Variants in DLG2 observed in about 807,000 individuals in gnomAD.
DLG2 encodes the protein disks large homolog 2.
A neutral mutation model predicts 132.5 loss-of-function variants in DLG2; 45 were observed. The ratio of observed to expected loss-of-function variants is 0.34; its 90% CI spans 0.27 to 0.44. The LOEUF is 0.44. Ranked by LOEUF, DLG2 falls within the 20% of genes least tolerant of loss-of-function variation. The pLI is 1.00. For synonymous variants in DLG2, 424 were observed against 419.6 expected (o/e 1.01, Z -0.13); for missense variants, 1,045 against 1,196.9 (o/e 0.87, Z 1.87).
At chr11:85,339,016 C>T (rs2152855016) in intron 3 of DLG2, among the ~76,000 whole-genome samples, 1 of 152,290 alleles carries the variant, frequency 6.6e-6, no homozygotes, top group African/African-American at 2.4e-5. Context: ...TATCTGGTTT[C>T]TGATATATCC....
chr11:85,000,774 G>A (rs1016740787), intron 6 of DLG2, among the ~76,000 whole-genome samples: 2 of 151,870 alleles, frequency 1.3e-5, no homozygotes, highest in Middle Eastern at 3.2e-3. Flanking sequence ...GGGGAGCAAG[G>A]GCATTGCTTC....
intron 18 of DLG2, among the ~76,000 whole-genome samples, chr11:83,685,698 T>C (rs2079618382): frequency 6.6e-6 from 1 of 152,064 alleles, no homozygotes; most frequent in African/African-American, 2.4e-5. Context: ...CACATGTAGA[T>C]CTCCAGTCTC....
At chr11:83,920,664 G>A (rs890780120) in intron 15 of DLG2, among the ~76,000 whole-genome samples, 3 of 152,076 alleles carry the variant, frequency 2.0e-5, no homozygotes, top group Non-Finnish European at 4.4e-5. Context: ...ATATTTATCA[G>A]GTATTGCTCT....
intron 3 of DLG2, among the ~76,000 whole-genome samples, chr11:85,550,407 G>A (rs947741478): frequency 1.3e-5 from 2 of 152,208 alleles, no homozygotes; most frequent in Admixed American, 6.5e-5. Flanking sequence ...CTGCCAGCGC[G>A]CAAAGGTGCT....
chr11:85,400,910 T>C (rs1596970567), intron 3 of DLG2, among the ~76,000 whole-genome samples: 1 of 149,214 alleles, frequency 6.7e-6, no homozygotes, highest in Non-Finnish European at 1.5e-5. Flanking sequence ...TGTGCACATG[T>C]ACCCTAAAAC....
At chr11:85,414,588 A>G (rs566590869) in intron 3 of DLG2, among the ~76,000 whole-genome samples, 1 of 152,016 alleles carries the variant, frequency 6.6e-6, no homozygotes, top group African/African-American at 2.4e-5. Flanking sequence ...TGGATGTAAT[A>G]TTCTATATAT....
chr11:83,906,792 CA>C (rs1346360476), intron 15 of DLG2, among the ~76,000 whole-genome samples: 1 of 152,028 alleles, frequency 6.6e-6, no homozygotes, highest in African/African-American at 2.4e-5. Context: ...ACCAACCTAA[CA>C]AAAAAAGCCT....
intron 7 of DLG2, among the ~76,000 whole-genome samples, chr11:84,448,980 T>C (rs770458666): frequency 2.6e-5 from 4 of 151,944 alleles, no homozygotes; most frequent in East Asian, 1.9e-4. Context: ...GAAGGCACTA[T>C]ACAGAGACCT....
At chr11:84,590,678 C>T (rs188313023) in intron 6 of DLG2, among the ~76,000 whole-genome samples, 38 of 152,156 alleles carry the variant, frequency 2.5e-4, no homozygotes, top group African/African-American at 9.2e-4. Flanking sequence ...GAAGGTGTTC[C>T]TTACCTTCAT....
chr11:83,987,359 G>A (rs1423250735), intron 11 of DLG2, among the ~76,000 whole-genome samples: 2 of 152,004 alleles, frequency 1.3e-5, no homozygotes, highest in African/African-American at 2.4e-5. Context: ...TAAAGTTCAT[G>A]TGGGACCAAA....
intron 16 of DLG2, among the ~76,000 whole-genome samples, chr11:83,861,635 T>C (rs1212782652): frequency 6.6e-6 from 1 of 152,080 alleles, no homozygotes; most frequent in Non-Finnish European, 1.5e-5. Flanking sequence ...ATAAACGTCA[T>C]ATTTTCTCAC....
At chr11:85,577,643 T>A (rs1243218344) in intron 3 of DLG2, among the ~76,000 whole-genome samples, 3 of 152,090 alleles carry the variant, frequency 2.0e-5, no homozygotes, top group Non-Finnish European at 4.4e-5. Flanking sequence ...TTGGGAGTCA[T>A]AAGCCAATAG....
intron 7 of DLG2, among the ~76,000 whole-genome samples, chr11:84,379,104 A>G (rs1434770507): frequency 6.6e-6 from 1 of 152,164 alleles, no homozygotes; most frequent in Non-Finnish European, 1.5e-5. Flanking sequence ...CCATAGATAA[A>G]TACCCAGAAG....
intron 3 of DLG2, among the ~76,000 whole-genome samples, chr11:85,596,870 G>C (rs562544399): frequency 1.3e-5 from 2 of 152,280 alleles, no homozygotes; most frequent in East Asian, 3.9e-4. Context: ...TCAGTACATA[G>C]GTGCCCACAT....
chr11:85,320,332 T>C (rs1039208475), intron 3 of DLG2, among the ~76,000 whole-genome samples: 1 of 151,916 alleles, frequency 6.6e-6, no homozygotes, highest in Non-Finnish European at 1.5e-5. Context: ...TTTCAGAGCA[T>C]GTAAGTAGGG....
At chr11:84,665,589 T>A (rs1351864323) in intron 6 of DLG2, among the ~76,000 whole-genome samples, 1 of 152,120 alleles carries the variant, frequency 6.6e-6, no homozygotes, top group Non-Finnish European at 1.5e-5. Context: ...GAGAGTCAAT[T>A]TCTGTGAGTC....
chr11:83,570,421 A>G (rs591422), intron 19 of DLG2, among the ~76,000 whole-genome samples: 109,901 of 152,130 alleles, frequency 0.72, 40,425 homozygotes, highest in African/African-American at 0.86. Flanking sequence ...TATCATTACT[A>G]TTACTACTAT....
At chr11:85,217,318 T>TCTCTCACA in intron 4 of DLG2, among the ~76,000 whole-genome samples, 1 of 144,036 alleles carries the variant, frequency 6.9e-6, no homozygotes, top group Admixed American at 7.0e-5. Flanking sequence ...TCTCTCTCTC[T>TCTCTCACA]CACACACACA....
intron 7 of DLG2, among the ~76,000 whole-genome samples, chr11:84,366,315 A>G (rs1376219169): frequency 2.0e-5 from 3 of 152,134 alleles, no homozygotes; most frequent in African/African-American, 7.2e-5. Context: ...TGAAGGAAGC[A>G]CTAAACATGG....
Sources: gnomAD v4.1 joint callset for allele counts (sites outside exome capture counted in the v4.1 genomes callset) on GRCh38, gnomAD v4.1.1 for gene constraint, MANE v1.5 for transcripts, NCBI Gene and HGNC (gene_info 2026-07-23, HGNC 2026-07-21) for gene names.